EFHB: variants seen among roughly 807,000 people sequenced by gnomAD.
The protein encoded by EFHB is EF-hand domain-containing family member B.
Under a neutral mutation model 87.2 loss-of-function variants are expected in EFHB, and 91 were observed. The observed-to-expected ratio is 1.04, with a 90% CI of 0.88 to 1.24. The LOEUF (loss-of-function observed/expected upper bound fraction) is 1.24. Among genes scored for constraint, EFHB ranks in the 50% most tolerant of loss-of-function variants. EFHB has a pLI of 0.00. For synonymous variants in EFHB, 325 were observed against 333.6 expected (o/e 0.97, Z 0.28); for missense variants, 1,084 against 998.8 (o/e 1.09, Z -1.15).
At chr3:19,931,361 C>T (rs1695825734) in intron 1 of EFHB, among the ~76,000 whole-genome samples, 1 of 152,094 alleles carries the variant, frequency 6.6e-6, no homozygotes, top group South Asian at 2.1e-4. Flanking sequence ...TTTAGAATTG[C>T]CTGTGCTGGA....
intron 1 of EFHB, among the ~76,000 whole-genome samples, chr3:19,931,002 G>A (rs1695811433): frequency 6.6e-6 from 1 of 151,982 alleles, no homozygotes; most frequent in South Asian, 2.1e-4. Context: ...AGAAAAAAAA[G>A]AAGGAAAAAA....
chr3:19,895,480 C>CAA (rs746098754), intron 9 of EFHB, among the ~76,000 whole-genome samples: 1 of 99,732 alleles, frequency 1.0e-5, no homozygotes, highest in Admixed American at 1.1e-4. Flanking sequence ...GACTCGGTCT[C>CAA]AAAAAAAAAA....
rs575146931 is a variant in EFHB at position 19,910,752 on chromosome 3, G to A, written c.1288+4551C>T. ...CCCCAGCTTTAGGTGGCTCAGAACCGAGAGAAAGACTGTATGTTTAGGAGA... is the reference window on the plus strand; with the variant it reads ...CCCCAGCTTTAGGTGGCTCAGAACCAAGAGAAAGACTGTATGTTTAGGAGA... On this transcript the variant is annotated intron_variant, in intron 5 of 12. Coordinates refer to ENST00000295824, the MANE Select transcript of EFHB (RefSeq NM_144715.4). 7.3e-4 allele frequency among the ~76,000 whole-genome samples: 111 copies of A among 152,344 alleles called. 1 individual carries two copies. The highest frequency in any genetic ancestry group is 4.4e-3 in the Admixed American group (67 of 15,308).
chr3:19,902,390 T>C (rs1694701829), intron 6 of EFHB, among the ~76,000 whole-genome samples: 1 of 152,188 alleles, frequency 6.6e-6, no homozygotes, highest in Non-Finnish European at 1.5e-5. Context: ...AGTCTTGCTC[T>C]GTCACCCAGG....
At chr3:19,925,015 G>T (rs1247984987) in intron 1 of EFHB, among the ~76,000 whole-genome samples, 2 of 152,096 alleles carry the variant, frequency 1.3e-5, no homozygotes, top group Non-Finnish European at 1.5e-5. Flanking sequence ...GGAAGCCGAG[G>T]TGGGCGGATC....
intron 8 of EFHB, among the ~76,000 whole-genome samples, chr3:19,897,648 G>A (rs1694534768): frequency 6.6e-6 from 1 of 152,138 alleles, no homozygotes; most frequent in Non-Finnish European, 1.5e-5. Context: ...GCAAGACAGA[G>A]CACCCACCAG....
chr3:19,910,559 T>C (rs1344144238), intron 5 of EFHB, among the ~76,000 whole-genome samples: 3 of 152,194 alleles, frequency 2.0e-5, no homozygotes, highest in African/African-American at 7.2e-5. Context: ...CAGGCCTGGC[T>C]GGCTTTACCA....
upstream of EFHB, chr3:19,934,363 CCCT>C (rs1695953855): frequency 1.3e-6 from 1 of 786,874 alleles, no homozygotes; most frequent in African/African-American, 2.0e-5. Flanking sequence ...TCTCTCTCTC[CCCT>C]CTTCTCTCTC....
In EFHB at chr3:19,909,378, C is replaced by G. The variant is rs1478713415; in HGVS notation, c.1289-3629G>C. Among the ~76,000 whole-genome samples the G allele has an allele frequency of 6.6e-5, 10 of 152,126 alleles. No individual in the cohort carries two copies. In the East Asian group the frequency reaches 1.9e-3, roughly 29 times the overall value. ...AGAGGCAGCATTTAAATCAGCCCCA[C>G]CAGAAAAGGAATTGCCAATCCCAGT... On this transcript the variant is annotated intron_variant, in intron 5 of 12. Transcript: ENST00000295824.
upstream of EFHB, among the ~76,000 whole-genome samples, chr3:19,934,391 G>GC (rs63724960): frequency 2.3e-5 from 3 of 129,680 alleles, no homozygotes; most frequent in Non-Finnish European, 4.8e-5. Flanking sequence ...GTTTCTCTCT[G>GC]CCCCCCCTTC....
intron 1 of EFHB, among the ~76,000 whole-genome samples, chr3:19,925,241 CAAAA>C (rs968867573): frequency 2.6e-4 from 16 of 62,054 alleles, no homozygotes; most frequent in Non-Finnish European, 5.0e-4. Context: ...GACTCCTTCT[CAAAA>C]AAAAAAAAAA....
intron 1 of EFHB, among the ~76,000 whole-genome samples, chr3:19,930,310 C>T (rs1695786602): frequency 6.6e-6 from 1 of 152,164 alleles, no homozygotes; most frequent in African/African-American, 2.4e-5. Flanking sequence ...AATCCCTCCT[C>T]TTGCCTATAA....
Position 19,882,629 on chromosome 3 carries a change from T to C in EFHB, c.2249A>G (p.Tyr750Cys). The change falls in exon 12 of 13, where the codon TAT becomes TGT. Residue 750 changes from tyrosine (Y) to cysteine (C), a missense_variant. Transcript: ENST00000295824. Reference sequence around the variant, plus strand: ...AAAAATGGTAGGATATAGTAGTGAATATGCACTACCTTCTTCACCATAATT... The same window carrying C: ...AAAAATGGTAGGATATAGTAGTGAACATGCACTACCTTCTTCACCATAATT... The part of the protein sequence containing the change: ...RTNYGEEGSA[Y>C]SLLYPTIFAR... The C allele has an allele frequency of 6.2e-7, 1 of 1,613,560 alleles. No homozygotes were observed. The highest frequency in any genetic ancestry group is 1.3e-5 in the African/African-American group (1 of 75,062).
upstream of EFHB, chr3:19,936,193 G>T (rs181781052): frequency 1.8e-4 from 200 of 1,097,056 alleles, 2 homozygotes; most frequent in East Asian, 5.0e-3. Context: ...TTAACGCCAA[G>T]AATTCAATTA....
In EFHB at chr3:19,888,737, A is replaced by C. The variant is rs2125121418; in HGVS notation, c.1726-86T>G. 3.6e-6 allele frequency: 4 copies of C among 1,105,116 alleles called. No individual in the cohort carries two copies. In the South Asian group the frequency reaches 6.2e-5, roughly 17 times the overall value. 68.5% of individuals were successfully genotyped at this position (1,105,116 alleles called of 1,614,324 possible). A position where few individuals can be genotyped will look rare whatever the true frequency, so the allele number is the denominator to read the frequency against. On this transcript the variant is annotated intron_variant, in intron 9 of 12. Coordinates refer to ENST00000295824, the MANE Select transcript of EFHB (RefSeq NM_144715.4). ...ACATTATTTAGTTTAAGAAAAAAGA[A>C]ATAGCTTCATCACATAAATTCAAAT... is the stretch of plus-strand genomic sequence containing the variant.
chr3:19,907,578 G>A (rs961869173), intron 5 of EFHB, among the ~76,000 whole-genome samples: 7 of 152,160 alleles, frequency 4.6e-5, no homozygotes, highest in Non-Finnish European at 5.9e-5. Context: ...AGAACATTGC[G>A]ACCCTCATAT....
upstream of EFHB, among the ~76,000 whole-genome samples, chr3:19,938,310 G>T (rs534066630): frequency 1.3e-5 from 2 of 152,326 alleles, no homozygotes; most frequent in East Asian, 3.9e-4. Flanking sequence ...ATACTCTTAA[G>T]ACGCTTGCAT....
At chr3:19,892,051 T>C (rs1421332140) in intron 9 of EFHB, among the ~76,000 whole-genome samples, 2 of 152,180 alleles carry the variant, frequency 1.3e-5, no homozygotes, top group South Asian at 2.1e-4. Flanking sequence ...CACACCAATA[T>C]TGACACTTAT....
chr3:19,898,704 T>C, intron 8 of EFHB, 74 bp downstream of exon 8: 1 of 1,418,124 alleles, frequency 7.1e-7, no homozygotes, highest in Non-Finnish European at 9.9e-7. Flanking sequence ...GATGGTGAGC[T>C]TAACTGCATA....
Sources: gnomAD v4.1 joint callset for allele counts (sites outside exome capture counted in the v4.1 genomes callset) on GRCh38, gnomAD v4.1.1 for gene constraint, MANE v1.5 for transcripts, NCBI Gene and HGNC (gene_info 2026-07-23, HGNC 2026-07-21) for gene names.